The following DTWD2 variants were observed in gnomAD, a reference collection of about 807,000 sequenced individuals.
DTWD2 encodes tRNA-uridine aminocarboxypropyltransferase 2.
DTWD2 carries 39 observed loss-of-function variants against 31.8 expected under a neutral mutation model. The ratio of observed to expected loss-of-function variants is 1.22; its 90% CI spans 0.95 to 1.60. The LOEUF (loss-of-function observed/expected upper bound fraction) is 1.60, where lower values mean the gene tolerates loss of function less well. DTWD2 is among the 40% of genes most tolerant of loss of function. The pLI, the probability that DTWD2 is intolerant of heterozygous loss-of-function variation, is 0.00. For synonymous variants in DTWD2, 180 were observed against 142.8 expected (o/e 1.26, Z -1.86); for missense variants, 515 against 381.5 (o/e 1.35, Z -2.92).
intron 4 of DTWD2, among the ~76,000 whole-genome samples, chr5:118,853,895 G>C (rs1462420036): frequency 6.6e-6 from 1 of 152,184 alleles, no homozygotes; most frequent in African/African-American, 2.4e-5. Context: ...TAAGTTTAGG[G>C]GGTTTTGTGA....
chr5:118,960,758 C>A (rs1161091480), intron 1 of DTWD2, among the ~76,000 whole-genome samples: 6 of 147,696 alleles, frequency 4.1e-5, no homozygotes, highest in Non-Finnish European at 7.5e-5. Flanking sequence ...TAAAAAAAAA[C>A]AAAATCATGT....
At position 118,945,149 on chromosome 5, in the gene DTWD2, A is replaced by G. The variant is rs1754302894; in HGVS notation, c.219-500T>C. Among the ~76,000 whole-genome samples, 3 of 152,256 alleles carry G rather than the reference A, an allele frequency of 2.0e-5. No individual in the cohort carries two copies. In the South Asian group the frequency reaches 6.2e-4, roughly 31 times the overall value. ...TTACCAATTGTGAGAAGAAACTCAA[A>G]TAGACGCCACCAAATTATATTTGGC... is the stretch of plus-strand genomic sequence containing the variant. On this transcript the variant is annotated intron_variant, in intron 1 of 5. Coordinates refer to ENST00000510708, the MANE Select transcript of DTWD2 (RefSeq NM_173666.4).
At chr5:118,847,552 T>C (rs1751887051) in intron 5 of DTWD2, among the ~76,000 whole-genome samples, 1 of 152,178 alleles carries the variant, frequency 6.6e-6, no homozygotes, top group Non-Finnish European at 1.5e-5. Flanking sequence ...ATCATCATGC[T>C]TTCATAGAAA....
chr5:118,984,543 G>C (rs1161073641), intron 1 of DTWD2, among the ~76,000 whole-genome samples: 1 of 152,026 alleles, frequency 6.6e-6, no homozygotes. Flanking sequence ...TCTAGGCCTA[G>C]TATGTGCCTG....
At chr5:118,941,659 A>G (rs1273108659) in intron 2 of DTWD2, among the ~76,000 whole-genome samples, 1 of 152,234 alleles carries the variant, frequency 6.6e-6, no homozygotes, top group Non-Finnish European at 1.5e-5. Context: ...GTGTCTTTAT[A>G]GCAGCATGAT....
chr5:118,876,914 G>A (rs1350473819), intron 4 of DTWD2, among the ~76,000 whole-genome samples: 2 of 152,144 alleles, frequency 1.3e-5, no homozygotes, highest in Non-Finnish European at 2.9e-5. Flanking sequence ...ACCTGGCAGA[G>A]ACACAATAAA....
intron 4 of DTWD2, among the ~76,000 whole-genome samples, chr5:118,859,138 C>T (rs1038754125): frequency 1.3e-5 from 2 of 151,140 alleles, no homozygotes; most frequent in Admixed American, 6.6e-5. Context: ...ATTATTTCAG[C>T]GGAGGATTGC....
intron 2 of DTWD2, among the ~76,000 whole-genome samples, 153 bp downstream of exon 2, chr5:118,944,406 A>C (rs1194447915): frequency 1.3e-5 from 2 of 152,244 alleles, no homozygotes; most frequent in Non-Finnish European, 2.9e-5. Context: ...AGTTGAAATT[A>C]AAAAGAAACT....
intron 1 of DTWD2, chr5:118,974,719 G>T (rs768434559): frequency 4.0e-6 from 2 of 496,876 alleles, no homozygotes; most frequent in Admixed American, 4.8e-5. Context: ...CTATGAAGTT[G>T]CTGTTTATTT....
chr5:118,985,517 T>TATATATACAC (rs1554072595), intron 1 of DTWD2, among the ~76,000 whole-genome samples: 12 of 107,742 alleles, frequency 1.1e-4, no homozygotes, highest in Admixed American at 3.8e-4. Flanking sequence ...TATATATATA[T>TATATATACAC]ACACACACAT....
intron 2 of DTWD2, 138 bp downstream of exon 2, chr5:118,944,421 T>G: frequency 1.2e-6 from 1 of 820,902 alleles, no homozygotes; most frequent in Non-Finnish European, 1.9e-6. Flanking sequence ...GAAACTATTT[T>G]TTCCAAAAGA....
intron 1 of DTWD2, among the ~76,000 whole-genome samples, chr5:118,975,686 G>A (rs537363439): frequency 1.4e-4 from 21 of 151,926 alleles, no homozygotes; most frequent in Admixed American, 9.2e-4. Flanking sequence ...GGTCTTTGAC[G>A]CTGGTGACCT....
chr5:118,870,937 A>G (rs538076572), intron 4 of DTWD2, among the ~76,000 whole-genome samples: 117 of 149,174 alleles, frequency 7.8e-4, no homozygotes, highest in Admixed American at 1.9e-3. Context: ...AATAACTTAT[A>G]TAATATATAA....
rs1343584731 is a variant in DTWD2 at position 118,836,711 on chromosome 5, G to A, written c.*4206C>T. Reference sequence around the variant, plus strand: ...AGTGGAACCTTTGGGGGATGATTAGGTCATAAGGGTCTCAGAGAGCTAGCT... The same window carrying A: ...AGTGGAACCTTTGGGGGATGATTAGATCATAAGGGTCTCAGAGAGCTAGCT... On this transcript the variant is annotated 3_prime_UTR_variant, in exon 6 of 6. Coordinates refer to ENST00000510708, the MANE Select transcript of DTWD2 (RefSeq NM_173666.4). Among the ~76,000 whole-genome samples, 1 of 152,148 alleles carries A rather than the reference G, an allele frequency of 6.6e-6. No homozygotes were observed. The highest frequency in any genetic ancestry group is 1.5e-5 in the Non-Finnish European group (1 of 68,038).
intron 4 of DTWD2, among the ~76,000 whole-genome samples, chr5:118,881,439 C>A (rs980945103): frequency 2.0e-5 from 3 of 152,122 alleles, no homozygotes; most frequent in African/African-American, 7.2e-5. Flanking sequence ...AGTATTATTT[C>A]TTTCTAATAG....
intron 4 of DTWD2, among the ~76,000 whole-genome samples, chr5:118,884,811 C>T (rs2149556451): frequency 6.6e-6 from 1 of 150,956 alleles, no homozygotes; most frequent in Non-Finnish European, 1.5e-5. Flanking sequence ...TCCAGACCAT[C>T]CTGGCTAACA....
chr5:118,863,657 T>C (rs146461253), intron 4 of DTWD2, among the ~76,000 whole-genome samples: 1 of 152,328 alleles, frequency 6.6e-6, no homozygotes, highest in Admixed American at 6.5e-5. Context: ...TATTATAGCA[T>C]TTTTGGACAT....
chr5:118,889,971 T>C (rs1752943914), intron 4 of DTWD2, among the ~76,000 whole-genome samples: 1 of 152,146 alleles, frequency 6.6e-6, no homozygotes, highest in South Asian at 2.1e-4. Flanking sequence ...AAAAAATAAA[T>C]TGAAGTGGGT....
At chr5:118,873,189 T>A (rs1020090702) in intron 4 of DTWD2, among the ~76,000 whole-genome samples, 1 of 151,758 alleles carries the variant, frequency 6.6e-6, no homozygotes, top group Non-Finnish European at 1.5e-5. Context: ...GGTGCAGGAG[T>A]GTCTATAGTG....
Sources: gnomAD v4.1 joint callset for allele counts (sites outside exome capture counted in the v4.1 genomes callset) on GRCh38, gnomAD v4.1.1 for gene constraint, MANE v1.5 for transcripts, NCBI Gene and HGNC (gene_info 2026-07-23, HGNC 2026-07-21) for gene names.